Variants in VSTM1 observed in about 807,000 individuals in gnomAD.
The protein encoded by VSTM1 is V-set and transmembrane domain-containing protein 1.
VSTM1 carries 27 observed loss-of-function variants against 33.1 expected under a neutral mutation model. The observed-to-expected ratio is 0.82, with a 90% CI of 0.60 to 1.12. The LOEUF (loss-of-function observed/expected upper bound fraction) is 1.12. VSTM1 is among the 50% of genes most tolerant of loss of function. VSTM1 has a pLI of 0.00. For missense variants in VSTM1, 304 were observed against 288.9 expected (o/e 1.05, Z -0.38); for synonymous variants, 115 against 110.3 (o/e 1.04, Z -0.27).
At chr19:54,043,948 G>A (rs2070447280) in intron 4 of VSTM1, among the ~76,000 whole-genome samples, 1 of 152,126 alleles carries the variant, frequency 6.6e-6, no homozygotes, top group African/African-American at 2.4e-5. Context: ...ATGTGCCAAT[G>A]GGTTCCCATT....
intron 4 of VSTM1, among the ~76,000 whole-genome samples, chr19:54,043,996 G>A (rs549223663): frequency 2.6e-5 from 4 of 152,108 alleles, no homozygotes; most frequent in East Asian, 3.9e-4. Flanking sequence ...GATCATACTC[G>A]AATTCCTGGG....
chr19:54,058,316 C>T lies in VSTM1; in HGVS notation c.345G>A (p.Leu115=), dbSNP rs994115553. The change falls in exon 3 of 9, where the codon CTG becomes CTA. Residue 115 remains leucine (L), a synonymous_variant. Transcript: ENST00000338372. ...EWSESSEHLQ[L]VVTDKHDELE... The stretch of plus-strand genomic sequence containing the variant: ...ATCTGCCCTTCTCACCTGTGACCAC[C>T]AGCTGCAAGTGTTCACTGCTTTCTG... The T allele has an allele frequency of 6.2e-7, 1 of 1,613,896 alleles. No individual in the cohort carries two copies. Among genetic ancestry groups the T allele is most frequent in the East Asian group, 2.2e-5 (1 of 44,880 alleles).
At position 54,063,834 on chromosome 19, in the gene VSTM1, A is replaced by G. The variant is rs2071518284; in HGVS notation, c.-57T>C. ...CTTGGGTTTTACCCTTCAAAGGCGGAGCGGGACTGGGCCGGCCGCAGCTCT... is the reference window on the plus strand; with the variant it reads ...CTTGGGTTTTACCCTTCAAAGGCGGGGCGGGACTGGGCCGGCCGCAGCTCT... On this transcript the variant is annotated 5_prime_UTR_variant, in exon 1 of 9. Coordinates refer to ENST00000338372, the MANE Select transcript of VSTM1 (RefSeq NM_198481.4). The G allele has an allele frequency of 2.5e-6, 4 of 1,605,218 alleles. No homozygotes were observed. The highest frequency in any genetic ancestry group is 2.6e-6 in the Non-Finnish European group (3 of 1,174,054).
At position 54,040,863 on chromosome 19, in the gene VSTM1, G is replaced by A; in HGVS notation, c.*98C>T. The A allele has an allele frequency of 3.4e-6, 5 of 1,472,906 alleles. No homozygotes were observed. The highest frequency in any genetic ancestry group is 3.6e-6 in the Non-Finnish European group (4 of 1,101,586). The allele number at this position is 1,472,906 out of a possible 1,614,324, so 91.2% of individuals were successfully genotyped here. On this transcript the variant is annotated 3_prime_UTR_variant, in exon 9 of 9. Transcript: ENST00000338372. The stretch of plus-strand genomic sequence containing the variant: ...CGAGAAACTTAATTTTATTGATATG[G>A]ACGAAGAGCAAGGAAACACAGTATC...
chr19:54,047,407 C>T (rs1399536561), intron 4 of VSTM1, among the ~76,000 whole-genome samples: 1 of 151,992 alleles, frequency 6.6e-6, no homozygotes, highest in Non-Finnish European at 1.5e-5. Flanking sequence ...ATTCTCCTGC[C>T]TCAGCCTCCC....
chr19:54,058,587 T>G lies in VSTM1; in HGVS notation c.74A>C (p.Lys25Thr). Residue 25 changes from lysine to threonine, a missense_variant, in exon 3 of 9, where the codon AAA (lysine) becomes ACA (threonine). Lys to Thr is a moderately conservative substitution (Grantham distance 78). Coordinates refer to ENST00000338372, the MANE Select transcript of VSTM1 (RefSeq NM_198481.4). ...LGYEDEKKNE[K>T]PPKPSLHAWP... The stretch of plus-strand genomic sequence containing the variant: ...GGCGTGGAGGGAGGGCTTGGGCGGT[T>G]TCTCTGGAAACAATTCAGAGTTAAT... 1 of 1,613,466 alleles carries G rather than the reference T, an allele frequency of 6.2e-7. No individual in the cohort carries two copies. The highest frequency in any genetic ancestry group is 8.5e-7 in the Non-Finnish European group (1 of 1,179,550).
chr19:54,063,429 C>A (rs1273645655), intron 1 of VSTM1, among the ~76,000 whole-genome samples: 1 of 152,168 alleles, frequency 6.6e-6, no homozygotes, highest in Non-Finnish European at 1.5e-5. Context: ...CTGTAGATCC[C>A]TAAGCCCAGC....
chr19:54,040,940 G>C lies in VSTM1; in HGVS notation c.*21C>G. 6.2e-7 allele frequency: 1 copy of C among 1,603,166 alleles called. No individual in the cohort carries two copies. Among genetic ancestry groups the C allele is most frequent in the Non-Finnish European group, 8.5e-7 (1 of 1,175,302 alleles). On this transcript the variant is annotated 3_prime_UTR_variant, in exon 9 of 9. Coordinates refer to ENST00000338372, the MANE Select transcript of VSTM1 (RefSeq NM_198481.4). ...GGCCAGCACGATCCCCCCTCCTTTA[G>C]TGGCCAGGGCTGTCTTCTTGCTACA...
chr19:54,045,481 C>A (rs1227739045), intron 4 of VSTM1, among the ~76,000 whole-genome samples: 1 of 151,938 alleles, frequency 6.6e-6, no homozygotes, highest in African/African-American at 2.4e-5. Context: ...GTCTATCCAC[C>A]TGCTTACCTG....
At chr19:54,052,005 C>A (rs1240364801) in intron 3 of VSTM1, among the ~76,000 whole-genome samples, 1 of 152,014 alleles carries the variant, frequency 6.6e-6, no homozygotes, top group African/African-American at 2.4e-5. Flanking sequence ...AAGTGATCAA[C>A]CTGCCTTGGC....
intron 4 of VSTM1, among the ~76,000 whole-genome samples, chr19:54,042,837 T>C (rs34151626): frequency 0.046 from 3,045 of 66,296 alleles, 86 homozygotes; most frequent in African/African-American, 0.07. Context: ...TATATATATA[T>C]ACATATATAT....
intron 3 of VSTM1, among the ~76,000 whole-genome samples, chr19:54,051,794 A>T (rs972596232): frequency 6.6e-6 from 1 of 151,894 alleles, no homozygotes. Flanking sequence ...TGAGTCTTGC[A>T]CTGTTACCCA....
At chr19:54,046,039 C>A (rs999687890) in intron 4 of VSTM1, among the ~76,000 whole-genome samples, 1 of 152,094 alleles carries the variant, frequency 6.6e-6, no homozygotes, top group African/African-American at 2.4e-5. Context: ...ACTTACTTAT[C>A]TAACCTGTTG....
At chr19:54,042,405 G>C (rs1490916190) in intron 4 of VSTM1, 36 bp from the exon 5 acceptor site, 1 of 1,603,402 alleles carries the variant, frequency 6.2e-7, no homozygotes, top group Admixed American at 1.7e-5. Flanking sequence ...AATCAGCCTG[G>C]CTCCTGAAAT....
intron 8 of VSTM1, among the ~76,000 whole-genome samples, 192 bp from the exon 9 acceptor site, chr19:54,041,272 G>T (rs541901044): frequency 6.6e-6 from 1 of 151,792 alleles, no homozygotes; most frequent in East Asian, 1.9e-4. Context: ...ATGGATCTGC[G>T]TAAGCCTTTT....
chr19:54,052,084 A>G (rs2070866976), intron 3 of VSTM1, among the ~76,000 whole-genome samples: 1 of 152,106 alleles, frequency 6.6e-6, no homozygotes, highest in African/African-American at 2.4e-5. Context: ...CCACAGTGGC[A>G]CCATTTAGTC....
chr19:54,051,603 G>C (rs1238494232), intron 3 of VSTM1, among the ~76,000 whole-genome samples, 155 bp from the exon 4 acceptor site: 2 of 152,286 alleles, frequency 1.3e-5, no homozygotes, highest in Admixed American at 1.3e-4. Context: ...TGGGTCCTCA[G>C]AGCATGGACA....
chr19:54,055,758 C>G (rs1474515501), intron 3 of VSTM1: 1 of 142,496 alleles, frequency 7.0e-6, no homozygotes, highest in Admixed American at 7.2e-5. Context: ...GGAGTCATCC[C>G]AGGGTCTACA....
intron 1 of VSTM1, among the ~76,000 whole-genome samples, chr19:54,060,450 G>T (rs184815865): frequency 1.3e-3 from 205 of 152,190 alleles, no homozygotes; most frequent in African/African-American, 4.8e-3. Context: ...CACAGGTGCC[G>T]ATACAGAACG....
Sources: gnomAD v4.1 joint callset for allele counts (sites outside exome capture counted in the v4.1 genomes callset) on GRCh38, gnomAD v4.1.1 for gene constraint, MANE v1.5 for transcripts, NCBI Gene and HGNC (gene_info 2026-07-23, HGNC 2026-07-21) for gene names.